Variants in HIVEP3 observed in about 807,000 individuals in gnomAD.
HIVEP3 encodes transcription factor HIVEP3.
A neutral mutation model predicts 152.8 loss-of-function variants in HIVEP3; 49 were observed. That is an observed-to-expected ratio of 0.32 (90% CI 0.26 to 0.41). The LOEUF (loss-of-function observed/expected upper bound fraction) is 0.41, where lower values mean the gene tolerates loss of function less well. Among genes scored for constraint, HIVEP3 ranks in the 10% least tolerant of loss-of-function variants. The pLI, the probability that HIVEP3 is intolerant of heterozygous loss-of-function variation, is 1.00. For synonymous variants in HIVEP3, 1,269 were observed against 1,289.0 expected (o/e 0.98, Z 0.33); for missense variants, 2,790 against 3,103.3 (o/e 0.90, Z 2.40).
chr1:41,551,028 T>C (rs1643888301), intron 5 of HIVEP3, among the ~76,000 whole-genome samples: 1 of 151,138 alleles, frequency 6.6e-6, no homozygotes, highest in Admixed American at 6.5e-5. Flanking sequence ...TAAATAGCTC[T>C]TATTATTTTG....
rs574709127 is a variant in HIVEP3, at chr1:41,906,260, G to A, written c.-801+12153C>T. Among the ~76,000 whole-genome samples the A allele has an allele frequency of 2.0e-5, 3 of 151,770 alleles. No homozygotes were observed. In the East Asian group the frequency reaches 5.8e-4, roughly 29 times the overall value. On this transcript the variant is annotated intron_variant, in intron 1 of 8. Coordinates refer to ENST00000372583, the MANE Select transcript of HIVEP3 (RefSeq NM_024503.5). ...GGAGGTGGAGGTTGCAGTGAGCTGAGATCGCACCACTGCACTCCAGCCTGG... is the reference window on the plus strand; with the variant it reads ...GGAGGTGGAGGTTGCAGTGAGCTGAAATCGCACCACTGCACTCCAGCCTGG...
intron 1 of HIVEP3, among the ~76,000 whole-genome samples, chr1:41,963,591 G>A (rs683392): frequency 0.059 from 9,026 of 151,944 alleles, 936 homozygotes; most frequent in African/African-American, 0.21. Flanking sequence ...GATTTAATGG[G>A]TGCAGCACAC....
At chr1:41,694,811 T>C (rs570286619) in intron 2 of HIVEP3, among the ~76,000 whole-genome samples, 5 of 152,230 alleles carry the variant, frequency 3.3e-5, no homozygotes, top group African/African-American at 1.2e-4. Flanking sequence ...ACCCTGAAAG[T>C]TGGGATCACT....
chr1:41,601,400 CTTTG>C (rs1345635322), intron 3 of HIVEP3, among the ~76,000 whole-genome samples: 8 of 152,094 alleles, frequency 5.3e-5, no homozygotes, highest in Non-Finnish European at 7.4e-5. Context: ...ATGTCTTTCT[CTTTG>C]TTTGTGTCTT....
intron 1 of HIVEP3, among the ~76,000 whole-genome samples, chr1:41,995,067 G>A (rs929185983): frequency 6.6e-6 from 1 of 152,140 alleles, no homozygotes; most frequent in Admixed American, 6.5e-5. Flanking sequence ...CAGAGTATAA[G>A]AAGGGTGAGA....
At chr1:41,646,703 T>G (rs1269884534) in intron 2 of HIVEP3, among the ~76,000 whole-genome samples, 2 of 152,236 alleles carry the variant, frequency 1.3e-5, no homozygotes, top group African/African-American at 4.8e-5. Context: ...AAGGACCTCT[T>G]CCCCATCATG....
chr1:41,879,588 G>T (rs1167254113), intron 1 of HIVEP3, among the ~76,000 whole-genome samples: 1 of 152,086 alleles, frequency 6.6e-6, no homozygotes, highest in Non-Finnish European at 1.5e-5. Context: ...TGGTCTAGTG[G>T]TACTGCCTCC....
intron 3 of HIVEP3, among the ~76,000 whole-genome samples, chr1:41,618,583 G>C (rs988972746): frequency 6.6e-6 from 1 of 152,100 alleles, no homozygotes; most frequent in Non-Finnish European, 1.5e-5. Flanking sequence ...CCCCTGTCCC[G>C]TTCTTTCCCT....
chr1:41,631,755 T>G (rs1339328219), intron 2 of HIVEP3, among the ~76,000 whole-genome samples: 1 of 152,166 alleles, frequency 6.6e-6, no homozygotes, highest in South Asian at 2.1e-4. Flanking sequence ...AATTTCTCAC[T>G]ACTCTGTGGG....
At position 41,868,678 on chromosome 1, in the gene HIVEP3, C is replaced by T. The variant is rs534826724; in HGVS notation, c.-801+49735G>A. ...CCCGCACTCACCACAACCACCCTCCCATGAGCACAGCAAGGAAAGAGAAAG... is the reference window on the plus strand; with the variant it reads ...CCCGCACTCACCACAACCACCCTCCTATGAGCACAGCAAGGAAAGAGAAAG... On this transcript the variant is annotated intron_variant, in intron 1 of 8. Coordinates refer to ENST00000372583, the MANE Select transcript of HIVEP3 (RefSeq NM_024503.5). Among the ~76,000 whole-genome samples, 4 of 152,314 alleles carry T rather than the reference C, an allele frequency of 2.6e-5. No individual in the cohort carries two copies. The South Asian group carries it at 8.3e-4, about 32-fold the overall frequency.
intron 8 of HIVEP3, among the ~76,000 whole-genome samples, 189 bp downstream of exon 8, chr1:41,512,627 C>A (rs770369149): frequency 5.9e-5 from 9 of 152,228 alleles, no homozygotes; most frequent in Non-Finnish European, 1.3e-4. Context: ...GTTTAATAAG[C>A]CAGCTGATTT....
At chr1:41,609,741 C>T (rs1362482476) in intron 3 of HIVEP3, among the ~76,000 whole-genome samples, 3 of 152,222 alleles carry the variant, frequency 2.0e-5, no homozygotes, top group Admixed American at 6.5e-5. Flanking sequence ...GAACACACGC[C>T]GTTCCCAATG....
At chr1:41,955,743 A>G (rs538651169) in intron 1 of HIVEP3, among the ~76,000 whole-genome samples, 1 of 152,310 alleles carries the variant, frequency 6.6e-6, no homozygotes, top group African/African-American at 2.4e-5. Flanking sequence ...TTAATGAGTT[A>G]CCCGGAGAAG....
At chr1:41,963,359 CGA>C (rs1645179827) in intron 1 of HIVEP3, among the ~76,000 whole-genome samples, 1 of 152,116 alleles carries the variant, frequency 6.6e-6, no homozygotes, top group Non-Finnish European at 1.5e-5. Flanking sequence ...AAAATCACTC[CGA>C]GTTTTTTATC....
chr1:41,632,497 G>A (rs1172401969), intron 2 of HIVEP3, among the ~76,000 whole-genome samples: 1 of 152,196 alleles, frequency 6.6e-6, no homozygotes, highest in Non-Finnish European at 1.5e-5. Flanking sequence ...GCCTCCCAAA[G>A]TGCTGGGATT....
chr1:41,683,209 A>G (rs55842188), intron 2 of HIVEP3, among the ~76,000 whole-genome samples: 9,846 of 152,304 alleles, frequency 0.065, 682 homozygotes, highest in African/African-American at 0.17. Flanking sequence ...ATCAAGAAGG[A>G]CTTGAAAGCT....
intron 1 of HIVEP3, among the ~76,000 whole-genome samples, chr1:41,841,099 G>A (rs921751524): frequency 2.6e-5 from 4 of 152,110 alleles, no homozygotes; most frequent in East Asian, 1.9e-4. Flanking sequence ...CTGGAGGGCC[G>A]TGCAGACAAC....
chr1:41,930,081 C>T (rs77351765), intron 1 of HIVEP3, among the ~76,000 whole-genome samples: 2 of 152,080 alleles, frequency 1.3e-5, no homozygotes, highest in African/African-American at 4.8e-5. Context: ...ATGTTATACA[C>T]GTGCAATGCA....
At chr1:41,999,957 T>C (rs1277102734) in intron 1 of HIVEP3, among the ~76,000 whole-genome samples, 1 of 152,164 alleles carries the variant, frequency 6.6e-6, no homozygotes, top group Admixed American at 6.5e-5. Context: ...TTATTAAATA[T>C]GTCCAGACTC....
Sources: allele counts gnomAD v4.1 joint callset (sites outside exome capture counted in the v4.1 genomes callset), GRCh38; gene constraint gnomAD v4.1.1; transcripts MANE v1.5; gene names NCBI Gene and HGNC (gene_info 2026-07-23, HGNC 2026-07-21).